Variants in NALF1 observed in about 807,000 individuals in gnomAD.
The protein encoded by NALF1 is family with sequence similarity 155 member A.
In NALF1, 3 loss-of-function variants were observed where a neutral mutation model predicts 48.4. That is an observed-to-expected ratio of 0.06 (90% CI 0.03 to 0.16). The LOEUF (loss-of-function observed/expected upper bound fraction) is 0.16, where lower values mean the gene tolerates loss of function less well. Among genes scored for constraint, NALF1 ranks in the 10% least tolerant of loss-of-function variants. The probability of loss-of-function intolerance (pLI) is 1.00; values close to 1 mark genes in which losing one functional copy is unlikely to be tolerated. For missense variants in NALF1, 526 were observed against 571.5 expected (o/e 0.92, Z 0.81); for synonymous variants, 262 against 245.7 (o/e 1.07, Z -0.62).
intron 1 of NALF1, among the ~76,000 whole-genome samples, chr13:107,676,488 G>C (rs777939544): frequency 6.6e-6 from 1 of 151,654 alleles, no homozygotes; most frequent in African/African-American, 2.4e-5. Context: ...AGAGGAATGG[G>C]GCTAGCTTAG....
At chr13:107,365,586 T>C (rs1044491675) in intron 1 of NALF1, among the ~76,000 whole-genome samples, 1 of 152,170 alleles carries the variant, frequency 6.6e-6, no homozygotes, top group Admixed American at 6.5e-5. Context: ...ATGGTCCTTA[T>C]CAAAACTTAC....
At chr13:107,657,774 C>G (rs1400216652) in intron 1 of NALF1, among the ~76,000 whole-genome samples, 1 of 152,146 alleles carries the variant, frequency 6.6e-6, no homozygotes, top group Non-Finnish European at 1.5e-5. Context: ...TGATCATATG[C>G]TAACAACTGA....
intron 1 of NALF1, among the ~76,000 whole-genome samples, chr13:107,638,090 A>G (rs1880034081): frequency 6.6e-6 from 1 of 151,128 alleles, no homozygotes; most frequent in Non-Finnish European, 1.5e-5. Flanking sequence ...TAAAAACGAC[A>G]TCATCTGTTC....
At chr13:107,319,445 C>T (rs535420087) in intron 1 of NALF1, among the ~76,000 whole-genome samples, 31 of 152,080 alleles carry the variant, frequency 2.0e-4, no homozygotes, top group African/African-American at 7.0e-4. Context: ...CAGCCAAGAA[C>T]ACCACTGGAT....
At chr13:107,763,844 AGG>A (rs1372516004) in intron 1 of NALF1, among the ~76,000 whole-genome samples, 2 of 152,208 alleles carry the variant, frequency 1.3e-5, no homozygotes, top group Non-Finnish European at 2.9e-5. Flanking sequence ...TCCAACCATT[AGG>A]GGTCTACCGT....
intron 1 of NALF1, among the ~76,000 whole-genome samples, chr13:107,238,448 G>A (rs1019936208): frequency 4.6e-5 from 7 of 152,094 alleles, no homozygotes; most frequent in South Asian, 2.1e-4. Context: ...CAGCTCTGCC[G>A]GGCCCTCTGC....
chr13:107,782,220 G>C (rs577337905), intron 1 of NALF1, among the ~76,000 whole-genome samples: 2 of 152,336 alleles, frequency 1.3e-5, no homozygotes, highest in Admixed American at 6.5e-5. Flanking sequence ...CGCCTGACTG[G>C]TTTTCGTATT....
At chr13:107,540,049 T>TACACAC (rs143201791) in intron 1 of NALF1, among the ~76,000 whole-genome samples, 4 of 149,508 alleles carry the variant, frequency 2.7e-5, no homozygotes, top group Non-Finnish European at 3.0e-5. Context: ...GCTTCTGATG[T>TACACAC]ACACACACAC....
At chr13:107,346,611 G>C (rs1055449704) in intron 1 of NALF1, among the ~76,000 whole-genome samples, 2 of 152,200 alleles carry the variant, frequency 1.3e-5, no homozygotes, top group African/African-American at 4.8e-5. Flanking sequence ...CCAGGGTGTG[G>C]GGAGGGGCAA....
intron 1 of NALF1, among the ~76,000 whole-genome samples, chr13:107,434,408 TAC>T (rs1884431561): frequency 6.6e-6 from 1 of 152,210 alleles, no homozygotes; most frequent in Non-Finnish European, 1.5e-5. Flanking sequence ...AGGTGTAGTT[TAC>T]ACTAACCAGA....
intron 2 of NALF1, among the ~76,000 whole-genome samples, chr13:107,207,664 T>C (rs558632009): frequency 1.3e-5 from 2 of 152,304 alleles, no homozygotes; most frequent in African/African-American, 2.4e-5. Flanking sequence ...TTCTTTTTCA[T>C]TTGAGACAGG....
intron 1 of NALF1, among the ~76,000 whole-genome samples, chr13:107,357,051 A>G (rs1882975064): frequency 6.6e-6 from 1 of 152,202 alleles, no homozygotes; most frequent in Non-Finnish European, 1.5e-5. Context: ...TCAAACACAA[A>G]GGGTTCTGAG....
intron 1 of NALF1, among the ~76,000 whole-genome samples, chr13:107,819,179 T>A (rs1879279060): frequency 7.5e-6 from 1 of 133,112 alleles, no homozygotes; most frequent in Non-Finnish European, 1.5e-5. Flanking sequence ...TGAATAAATA[T>A]CTACCAAATA....
intron 1 of NALF1, among the ~76,000 whole-genome samples, chr13:107,536,634 C>A (rs535047130): frequency 4.0e-4 from 61 of 152,260 alleles, no homozygotes; most frequent in African/African-American, 1.4e-3. Flanking sequence ...GTTGGTGGGA[C>A]TGTAAACTGG....
At chr13:107,538,593 A>C (rs746830930) in intron 1 of NALF1, among the ~76,000 whole-genome samples, 1 of 152,088 alleles carries the variant, frequency 6.6e-6, no homozygotes. Context: ...TTCAAATCAG[A>C]CCTCAGTTCA....
intron 2 of NALF1, among the ~76,000 whole-genome samples, chr13:107,187,769 A>T (rs886086940): frequency 6.6e-6 from 1 of 152,282 alleles, no homozygotes; most frequent in Non-Finnish European, 1.5e-5. Context: ...TATGGGAAGA[A>T]TGGTTCCCAT....
At chr13:107,198,916 A>G (rs1879450383) in intron 2 of NALF1, among the ~76,000 whole-genome samples, 1 of 152,190 alleles carries the variant, frequency 6.6e-6, no homozygotes. Flanking sequence ...GAAGAATTGC[A>G]TACTCCAAAA....
At chr13:107,370,740 T>A (rs530633298) in intron 1 of NALF1, among the ~76,000 whole-genome samples, 1 of 152,206 alleles carries the variant, frequency 6.6e-6, no homozygotes, top group Admixed American at 6.5e-5. Flanking sequence ...TTTTATTTTA[T>A]AAAAAAAGGT....
intron 1 of NALF1, among the ~76,000 whole-genome samples, chr13:107,773,274 GAT>G (rs1877629023): frequency 6.6e-6 from 1 of 152,124 alleles, no homozygotes; most frequent in Non-Finnish European, 1.5e-5. Flanking sequence ...CTGAAGCAAA[GAT>G]AGTACTAGCA....
Sources: allele counts gnomAD v4.1 joint callset (sites outside exome capture counted in the v4.1 genomes callset), GRCh38; gene constraint gnomAD v4.1.1; transcripts MANE v1.5; gene names NCBI Gene and HGNC (gene_info 2026-07-23, HGNC 2026-07-21).